Variants in CCDC81 observed in about 807,000 individuals in gnomAD.
CCDC81 encodes coiled-coil domain-containing protein 81.
A neutral mutation model predicts 83.7 loss-of-function variants in CCDC81; 79 were observed. That is an observed-to-expected ratio of 0.94 (90% CI 0.79 to 1.14). CCDC81 has a LOEUF of 1.14. Ranked by LOEUF, CCDC81 falls within the 50% of genes most tolerant of loss-of-function variation. CCDC81 has a pLI of 0.00. For missense variants in CCDC81, 791 were observed against 778.1 expected, an observed-to-expected ratio of 1.02 and a Z score of -0.20; for synonymous variants, 252 against 278.1, an observed-to-expected ratio of 0.91 and a Z score of 0.93.
chr11:86,399,935 C>T (rs112692475), intron 6 of CCDC81, among the ~76,000 whole-genome samples: 1,682 of 151,110 alleles, frequency 0.011, 29 homozygotes, highest in African/African-American at 0.037. Flanking sequence ...CCAGCCTGGC[C>T]GACATGGCGA....
At chr11:86,402,959 C>A (rs1948513020) in intron 7 of CCDC81, among the ~76,000 whole-genome samples, 1 of 151,844 alleles carries the variant, frequency 6.6e-6, no homozygotes, top group South Asian at 2.1e-4. Flanking sequence ...CTGCCTCAGA[C>A]CCCGAGTAGC....
At chr11:86,408,588 T>A (rs968730133) in intron 9 of CCDC81, among the ~76,000 whole-genome samples, 26 of 151,964 alleles carry the variant, frequency 1.7e-4, no homozygotes, top group African/African-American at 6.0e-4. Context: ...AGGCTCCAAC[T>A]CCCGCCTCTG....
At chr11:86,422,451 C>T in intron 14 of CCDC81, 123 bp from the exon 15 acceptor site, 1 of 784,258 alleles carries the variant, frequency 1.3e-6, no homozygotes, top group Non-Finnish European at 2.1e-6. Context: ...TGAACTGCAG[C>T]ATACAGGCAG....
chr11:86,395,171 A>T, intron 4 of CCDC81, 163 bp from the exon 5 acceptor site: 1 of 547,356 alleles, frequency 1.8e-6, no homozygotes. Flanking sequence ...GATGAATGAG[A>T]TCATTCCTCA....
In CCDC81 at chr11:86,422,638, A is replaced by C; in HGVS notation, c.1882A>C (p.Arg628=). Residue 628 remains arginine (R), a synonymous_variant, in exon 15 of 15, where the codon AGG becomes CGG. Transcript: ENST00000445632. The part of the protein sequence containing the change: ...EKYRRCKQCQ[R]RTSNVGESNL... ...GTATCGGCGCTGCAAGCAATGCCAGAGGCGCACCTCCAACGTGGGCGAGAG... is the reference window on the plus strand; with the variant it reads ...GTATCGGCGCTGCAAGCAATGCCAGCGGCGCACCTCCAACGTGGGCGAGAG... The C allele has an allele frequency of 6.2e-7, 1 of 1,614,078 alleles. No individual in the cohort carries two copies. The highest frequency in any genetic ancestry group is 8.5e-7 in the Non-Finnish European group (1 of 1,179,958).
intron 1 of CCDC81, among the ~76,000 whole-genome samples, chr11:86,375,968 G>A (rs1448531634): frequency 2.6e-5 from 4 of 152,172 alleles, no homozygotes; most frequent in Non-Finnish European, 5.9e-5. Context: ...CTCTTCCCCT[G>A]CATCACTCCT....
chr11:86,385,634 C>T (rs978605534), intron 1 of CCDC81, among the ~76,000 whole-genome samples: 1 of 152,112 alleles, frequency 6.6e-6, no homozygotes, highest in African/African-American at 2.4e-5. Context: ...TGCCTTATTC[C>T]TGTGTTGTGG....
At chr11:86,393,944 A>G (rs1023357747) in intron 4 of CCDC81, among the ~76,000 whole-genome samples, 1 of 152,156 alleles carries the variant, frequency 6.6e-6, no homozygotes, top group African/African-American at 2.4e-5. Context: ...CAGTCTACCC[A>G]TTTCTCCTTT....
chr11:86,409,262 T>C lies in CCDC81; in HGVS notation c.1115T>C (p.Met372Thr), dbSNP rs773899278. Residue 372 changes from methionine (M) to threonine (T), a missense_variant and splice_region_variant, in exon 10 of 15, where the codon ATG (methionine) becomes ACG (threonine). By Grantham distance (81) the Met-to-Thr change is moderately conservative (BLOSUM62 -1). Coordinates refer to ENST00000445632, the MANE Select transcript of CCDC81 (RefSeq NM_001156474.2). ...KDQEALFRHQ[M>T]KSLATREQNQ... is the part of the protein sequence containing the mutation. ...ACTTTTTTTTTTTTTAAACAATAGATGAAAAGTCTGGCTACTAGAGAACAG... is the reference window on the plus strand; with the variant it reads ...ACTTTTTTTTTTTTTAAACAATAGACGAAAAGTCTGGCTACTAGAGAACAG... 7.2e-7 allele frequency: 1 copy of C among 1,392,188 alleles called. No individual in the cohort carries two copies. The highest frequency in any genetic ancestry group is 9.5e-7 in the Non-Finnish European group (1 of 1,050,254). 86.2% of individuals were successfully genotyped at this position (1,392,188 alleles called of 1,614,324 possible).
chr11:86,393,634 G>A (rs1199254921), intron 4 of CCDC81, among the ~76,000 whole-genome samples: 2 of 152,168 alleles, frequency 1.3e-5, no homozygotes, highest in East Asian at 3.9e-4. Context: ...GAGTCATGGA[G>A]TTTTTGAATC....
rs1449171025 is a variant in CCDC81 at position 86,386,068 on chromosome 11, G to T, written c.97G>T (p.Gly33Trp). The change falls in exon 2 of 15, where the codon GGG (glycine) becomes TGG (tryptophan). Residue 33 changes from glycine to tryptophan, a missense_variant. Transcript: ENST00000445632. Reference protein sequence around the residue: ...LSQEEVSIIWGNVSEFVRRQL... With the variant: ...LSQEEVSIIWWNVSEFVRRQL... The stretch of plus-strand genomic sequence containing the variant: ...AATTTCAGAAGTCTCTATTATCTGG[G>T]GGAATGTATCAGAATTTGTGAGACG... 3.9e-6 allele frequency: 6 copies of T among 1,526,006 alleles called. No individual in the cohort carries two copies. In the South Asian group the frequency reaches 7.4e-5, roughly 19 times the overall value. The allele number at this position is 1,526,006 out of a possible 1,614,324, so 94.5% of individuals were successfully genotyped here.
At chr11:86,379,677 C>T (rs951482681) in intron 1 of CCDC81, among the ~76,000 whole-genome samples, 2 of 152,096 alleles carry the variant, frequency 1.3e-5, no homozygotes, top group Non-Finnish European at 2.9e-5. Context: ...GTTAGGTCAG[C>T]TAAGAATAAT....
Position 86,422,924 on chromosome 11 carries a change from G to C in CCDC81, c.*209G>C. ...TTTCCTATACTAGTTTCTGATGGCAGTGAAGGTGTCTGAATGGTCCTGAGG... is the reference window on the plus strand; with the variant it reads ...TTTCCTATACTAGTTTCTGATGGCACTGAAGGTGTCTGAATGGTCCTGAGG... On this transcript the variant is annotated 3_prime_UTR_variant, in exon 15 of 15. Transcript: ENST00000445632. 1.8e-6 allele frequency: 1 copy of C among 555,878 alleles called. No homozygotes were observed. Among genetic ancestry groups the C allele is most frequent in the Non-Finnish European group, 3.2e-6 (1 of 316,152 alleles). 34.4% of individuals were successfully genotyped at this position (555,878 alleles called of 1,614,324 possible). A position where few individuals can be genotyped will look rare whatever the true frequency, so the allele number is the denominator to read the frequency against.
intron 13 of CCDC81, among the ~76,000 whole-genome samples, chr11:86,417,081 TAA>T (rs1346441316): frequency 6.6e-6 from 1 of 151,944 alleles, no homozygotes; most frequent in Non-Finnish European, 1.5e-5. Flanking sequence ...CCGTCATTAC[TAA>T]AAATACAAAA....
chr11:86,397,339 A>T (rs1948422617), intron 5 of CCDC81, among the ~76,000 whole-genome samples: 1 of 152,230 alleles, frequency 6.6e-6, no homozygotes, highest in Non-Finnish European at 1.5e-5. Flanking sequence ...TCAAATTGAA[A>T]CAAAAACCAA....
chr11:86,414,062 A>G (rs1448518386), intron 11 of CCDC81, among the ~76,000 whole-genome samples: 1 of 152,252 alleles, frequency 6.6e-6, no homozygotes, highest in East Asian at 1.9e-4. Context: ...TAGAAGTTAC[A>G]TATAATAGAA....
chr11:86,407,493 T>C (rs1411143717), intron 7 of CCDC81, 121 bp from the exon 8 acceptor site: 4 of 673,002 alleles, frequency 5.9e-6, no homozygotes, highest in South Asian at 1.8e-5. Flanking sequence ...TCTATACATA[T>C]AGCTGTTTTG....
intron 6 of CCDC81, among the ~76,000 whole-genome samples, chr11:86,398,230 G>A (rs932715752): frequency 4.6e-5 from 7 of 152,162 alleles, no homozygotes; most frequent in Admixed American, 3.3e-4. Context: ...ATGAGCCTTA[G>A]ATCCTATGAC....
At chr11:86,404,027 A>T (rs1948530316) in intron 7 of CCDC81, among the ~76,000 whole-genome samples, 1 of 152,142 alleles carries the variant, frequency 6.6e-6, no homozygotes, top group Admixed American at 6.5e-5. Context: ...AAGGGCATGT[A>T]GTGGTTAGTG....
Sources: gnomAD v4.1 joint callset for allele counts (sites outside exome capture counted in the v4.1 genomes callset) on GRCh38, gnomAD v4.1.1 for gene constraint, MANE v1.5 for transcripts, NCBI Gene and HGNC (gene_info 2026-07-23, HGNC 2026-07-21) for gene names.